The following PTPRM variants were observed in gnomAD, a reference collection of about 807,000 sequenced individuals.
The protein encoded by PTPRM is receptor-type tyrosine-protein phosphatase mu.
PTPRM carries 47 observed loss-of-function variants against 186.7 expected under a neutral mutation model. The ratio of observed to expected loss-of-function variants is 0.25; its 90% CI spans 0.20 to 0.32. The LOEUF is 0.32. Ranked by LOEUF, PTPRM falls within the 10% of genes least tolerant of loss-of-function variation. The pLI, the probability that PTPRM is intolerant of heterozygous loss-of-function variation, is 1.00. For synonymous variants in PTPRM, 668 were observed against 674.9 expected, an observed-to-expected ratio of 0.99 and a Z score of 0.16; for missense variants, 1,494 against 1,865.0, an observed-to-expected ratio of 0.80 and a Z score of 3.66.
intron 2 of PTPRM, among the ~76,000 whole-genome samples, chr18:7,844,423 A>G (rs1375813533): frequency 1.3e-5 from 2 of 152,152 alleles, no homozygotes. Context: ...CTTCTCAAAT[A>G]TAGATCTTAG....
At chr18:8,390,634 CA>C (rs2095804868) in intron 31 of PTPRM, among the ~76,000 whole-genome samples, 1 of 152,170 alleles carries the variant, frequency 6.6e-6, no homozygotes. Flanking sequence ...TCACTGAAGA[CA>C]AAAGATGTCC....
chr18:7,643,695 A>G (rs1162417932), intron 1 of PTPRM, among the ~76,000 whole-genome samples: 1 of 152,084 alleles, frequency 6.6e-6, no homozygotes, highest in African/African-American at 2.4e-5. Context: ...GGTGATTTCA[A>G]TGGACCATGA....
intron 31 of PTPRM, among the ~76,000 whole-genome samples, chr18:8,390,795 G>A (rs773007960): frequency 6.6e-6 from 1 of 152,064 alleles, no homozygotes; most frequent in Non-Finnish European, 1.5e-5. Context: ...GGGCGCAGTG[G>A]CAGGTGCCTG....
chr18:7,672,206 G>T (rs968150825), intron 1 of PTPRM, among the ~76,000 whole-genome samples: 5 of 152,172 alleles, frequency 3.3e-5, no homozygotes, highest in South Asian at 2.1e-4. Context: ...TGATTTGCAT[G>T]TAAGGTAACT....
chr18:7,892,657 T>A (rs1350600384), intron 3 of PTPRM, among the ~76,000 whole-genome samples: 4 of 152,232 alleles, frequency 2.6e-5, no homozygotes, highest in Non-Finnish European at 5.9e-5. Flanking sequence ...GATATCTTAG[T>A]CTGCTGTGCT....
intron 2 of PTPRM, among the ~76,000 whole-genome samples, chr18:7,813,105 G>T (rs2044617542): frequency 6.6e-6 from 1 of 152,210 alleles, no homozygotes; most frequent in South Asian, 2.1e-4. Flanking sequence ...TTTCTAGAGG[G>T]TCTCTTTCTC....
At chr18:8,333,689 G>C (rs998470787) in intron 22 of PTPRM, among the ~76,000 whole-genome samples, 8 of 152,162 alleles carry the variant, frequency 5.3e-5, no homozygotes, top group Admixed American at 3.3e-4. Flanking sequence ...ATGCCTCTCA[G>C]GCTCATCGTC....
At chr18:8,164,526 A>T (rs1159708229) in intron 14 of PTPRM, among the ~76,000 whole-genome samples, 1 of 152,222 alleles carries the variant, frequency 6.6e-6, no homozygotes, top group African/African-American at 2.4e-5. Context: ...TTAAAAAGGA[A>T]GGAAATCCTG....
At chr18:7,899,536 G>T (rs1459929939) in intron 3 of PTPRM, among the ~76,000 whole-genome samples, 1 of 152,172 alleles carries the variant, frequency 6.6e-6, no homozygotes, top group East Asian at 1.9e-4. Flanking sequence ...CTGTGATTCT[G>T]TCAGACCCAC....
intron 13 of PTPRM, among the ~76,000 whole-genome samples, chr18:8,131,168 G>A (rs2092495335): frequency 6.6e-6 from 1 of 152,182 alleles, no homozygotes; most frequent in Non-Finnish European, 1.5e-5. Flanking sequence ...CTGGGAAAAT[G>A]AATGGATTTC....
intron 7 of PTPRM, among the ~76,000 whole-genome samples, chr18:8,021,263 CT>C (rs1179367006): frequency 3.3e-5 from 5 of 151,068 alleles, no homozygotes; most frequent in Non-Finnish European, 5.9e-5. Context: ...ATTACTTAAG[CT>C]TTTTTGATTC....
At chr18:7,630,506 G>C (rs1024548382) in intron 1 of PTPRM, among the ~76,000 whole-genome samples, 1 of 152,156 alleles carries the variant, frequency 6.6e-6, no homozygotes, top group Non-Finnish European at 1.5e-5. Flanking sequence ...ATGTGGTTAT[G>C]AGGAGGAGCA....
chr18:8,022,749 T>C (rs2085312662), intron 7 of PTPRM, among the ~76,000 whole-genome samples: 1 of 152,164 alleles, frequency 6.6e-6, no homozygotes, highest in Non-Finnish European at 1.5e-5. Context: ...CCTGTCCTTA[T>C]CAATGACTTC....
chr18:7,585,983 A>G (rs1269301059), intron 1 of PTPRM, among the ~76,000 whole-genome samples: 1 of 152,230 alleles, frequency 6.6e-6, no homozygotes, highest in African/African-American at 2.4e-5. Context: ...TAAAATTTCT[A>G]GGCATTGTCT....
At chr18:8,295,499 T>C (rs1241106744) in intron 19 of PTPRM, among the ~76,000 whole-genome samples, 1 of 152,054 alleles carries the variant, frequency 6.6e-6, no homozygotes, top group Admixed American at 6.5e-5. Flanking sequence ...TCCCAAATGG[T>C]GCTCTCATTC....
intron 14 of PTPRM, among the ~76,000 whole-genome samples, chr18:8,212,507 A>G: frequency 6.6e-6 from 1 of 152,240 alleles, no homozygotes. Flanking sequence ...GTAAGAAATT[A>G]TAAAATTATC....
intron 32 of PTPRM, chr18:8,402,893 G>A (rs1430228243): frequency 6.6e-6 from 1 of 152,174 alleles, no homozygotes; most frequent in Non-Finnish European, 1.5e-5. Context: ...GGAAAAAGTG[G>A]TCTATTTAAG....
intron 5 of PTPRM, among the ~76,000 whole-genome samples, chr18:7,931,372 A>G (rs905021025): frequency 1.3e-5 from 2 of 151,970 alleles, no homozygotes; most frequent in African/African-American, 4.8e-5. Context: ...GGAATTTGAG[A>G]TTTTCTTTTT....
At chr18:8,378,520 C>T (rs2095710553) in intron 27 of PTPRM, 106 bp downstream of exon 27, 1 of 1,378,074 alleles carries the variant, frequency 7.3e-7, no homozygotes, top group Admixed American at 2.1e-5. Context: ...TCCTTGGCCT[C>T]CATAGCACTG....
Sources: gnomAD v4.1 joint callset for allele counts (sites outside exome capture counted in the v4.1 genomes callset) on GRCh38, gnomAD v4.1.1 for gene constraint, MANE v1.5 for transcripts, NCBI Gene and HGNC (gene_info 2026-07-23, HGNC 2026-07-21) for gene names.